The following DOCK2 variants were observed in gnomAD, a reference collection of about 807,000 sequenced individuals.
DOCK2 encodes dedicator of cytokinesis 2.
A neutral mutation model predicts 248.9 loss-of-function variants in DOCK2; 87 were observed. The ratio of observed to expected loss-of-function variants is 0.35; its 90% CI spans 0.29 to 0.42. The LOEUF (loss-of-function observed/expected upper bound fraction) is 0.42. Ranked by LOEUF, DOCK2 falls within the 10% of genes least tolerant of loss-of-function variation. DOCK2 has a pLI of 1.00. For missense variants in DOCK2, 1,747 were observed against 2,300.2 expected (o/e 0.76, Z 4.92); for synonymous variants, 805 against 821.6 (o/e 0.98, Z 0.35).
intron 27 of DOCK2, among the ~76,000 whole-genome samples, chr5:169,979,398 G>A (rs776893502): frequency 7.2e-5 from 11 of 152,170 alleles, no homozygotes; most frequent in Admixed American, 3.9e-4. Flanking sequence ...TGCCATTTTT[G>A]AGGAAACTAC....
intron 23 of DOCK2, among the ~76,000 whole-genome samples, chr5:169,751,037 A>C (rs999310707): frequency 1.3e-5 from 2 of 152,210 alleles, no homozygotes; most frequent in Admixed American, 6.5e-5. Flanking sequence ...TGTAACATGG[A>C]AGGCCAAATG....
chr5:170,077,551 A>G (rs537570163), intron 47 of DOCK2, among the ~76,000 whole-genome samples, 159 bp from the exon 48 acceptor site: 37 of 152,314 alleles, frequency 2.4e-4, no homozygotes, highest in Non-Finnish European at 3.5e-4. Flanking sequence ...TCTTCATTCT[A>G]CAAGAACGCC....
rs2303039 is a variant in DOCK2 at position 169,982,923 on chromosome 5, G to A, written c.2800-145G>A. On this transcript the variant is annotated intron_variant, in intron 27 of 51. Transcript: ENST00000520908. ...TGGATCAGGTGTTATGTTTATGTTCGGCACTGCTATTACAGTCCCAGGCAC... is the reference window on the plus strand; with the variant it reads ...TGGATCAGGTGTTATGTTTATGTTCAGCACTGCTATTACAGTCCCAGGCAC... The A allele has an allele frequency of 2.1e-3, 1,455 of 708,414 alleles. 21 individuals carry two copies. The East Asian group carries it at 0.035, about 17-fold the overall frequency. 43.9% of individuals were successfully genotyped at this position (708,414 alleles called of 1,614,324 possible).
At chr5:169,729,850 G>A (rs1762674917) in intron 22 of DOCK2, among the ~76,000 whole-genome samples, 2 of 152,172 alleles carry the variant, frequency 1.3e-5, no homozygotes, top group South Asian at 4.1e-4. Flanking sequence ...CCCAGTAACT[G>A]TGACCTTGGG....
intron 2 of DOCK2, among the ~76,000 whole-genome samples, chr5:169,663,260 C>G (rs1304407806): frequency 6.6e-6 from 1 of 152,212 alleles, no homozygotes; most frequent in African/African-American, 2.4e-5. Flanking sequence ...GGCAGCTCTC[C>G]CTCTGTGGCA....
intron 26 of DOCK2, among the ~76,000 whole-genome samples, chr5:169,805,328 G>A (rs1767294238): frequency 6.6e-6 from 1 of 152,084 alleles, no homozygotes; most frequent in Non-Finnish European, 1.5e-5. Context: ...CTTGAGCCCA[G>A]GAGTTCAAGG....
intron 25 of DOCK2, among the ~76,000 whole-genome samples, chr5:169,769,389 C>T (rs1581163941): frequency 6.6e-6 from 1 of 152,320 alleles, no homozygotes; most frequent in East Asian, 1.9e-4. Context: ...GAGCAGCTGA[C>T]CCTTCCTCTC....
chr5:169,939,139 C>T (rs4285242), intron 27 of DOCK2, among the ~76,000 whole-genome samples: 34,893 of 151,454 alleles, frequency 0.23, 4,235 homozygotes, highest in Non-Finnish European at 0.26. Flanking sequence ...CTCCTGACCT[C>T]GTGATCCGCC....
At chr5:170,052,134 A>G (rs768362639) in intron 41 of DOCK2, among the ~76,000 whole-genome samples, 2 of 152,222 alleles carry the variant, frequency 1.3e-5, no homozygotes, top group Non-Finnish European at 2.9e-5. Context: ...ACAGGTCGCA[A>G]GTCTGGTCTG....
chr5:169,735,114 C>G (rs977569288), intron 22 of DOCK2, among the ~76,000 whole-genome samples: 1 of 152,212 alleles, frequency 6.6e-6, no homozygotes, highest in African/African-American at 2.4e-5. Flanking sequence ...ACCCTACAGT[C>G]AGAGTGATCT....
intron 48 of DOCK2, among the ~76,000 whole-genome samples, chr5:170,078,755 A>G (rs1026895789): frequency 4.6e-5 from 7 of 152,208 alleles, no homozygotes; most frequent in Non-Finnish European, 1.0e-4. Context: ...ATTTCATTTT[A>G]CCACGAATAA....
intron 44 of DOCK2, among the ~76,000 whole-genome samples, chr5:170,064,816 A>G (rs1757437892): frequency 6.6e-6 from 1 of 152,182 alleles, no homozygotes; most frequent in South Asian, 2.1e-4. Flanking sequence ...TCTCAAACAA[A>G]CAAAAGCTGA....
At chr5:169,790,130 C>A (rs112695566) in intron 25 of DOCK2, among the ~76,000 whole-genome samples, 2 of 152,068 alleles carry the variant, frequency 1.3e-5, no homozygotes, top group Non-Finnish European at 2.9e-5. Context: ...TGCTTGAATC[C>A]AGGATAATTT....
intron 9 of DOCK2, among the ~76,000 whole-genome samples, chr5:169,692,071 G>T (rs1228383533): frequency 3.9e-5 from 6 of 152,048 alleles, no homozygotes. Context: ...GGCCAGGATG[G>T]TCTTGATCTC....
chr5:170,045,981 G>A (rs1756694344), intron 39 of DOCK2, 76 bp downstream of exon 39: 1 of 1,426,858 alleles, frequency 7.0e-7, no homozygotes, highest in Non-Finnish European at 9.9e-7. Flanking sequence ...AGATCCTGGG[G>A]AGATGGGCAT....
chr5:169,704,834 AAAAATTAAAAATTTT>A (rs1761172935), intron 14 of DOCK2, among the ~76,000 whole-genome samples: 1 of 151,826 alleles, frequency 6.6e-6, no homozygotes, highest in African/African-American at 2.4e-5. Flanking sequence ...ATGTGCCCAC[AAAAATTAAAAATTTT>A]AAAATTAAAA....
chr5:169,669,343 T>C lies in DOCK2; in HGVS notation c.168+15T>C. On this transcript the variant is annotated intron_variant, in intron 3 of 51. Transcript: ENST00000520908. ...AAATGTTACAGGTAAGGTCACCTGG[T>C]TTTTATTTGTGTCAGTACTGGAGGT... 6.2e-7 allele frequency: 1 copy of C among 1,613,980 alleles called. No homozygotes were observed. The highest frequency in any genetic ancestry group is 1.1e-5 in the South Asian group (1 of 91,076).
At chr5:169,786,978 C>T (rs1041327866) in intron 25 of DOCK2, among the ~76,000 whole-genome samples, 1 of 152,112 alleles carries the variant, frequency 6.6e-6, no homozygotes, top group Non-Finnish European at 1.5e-5. Flanking sequence ...GTAGCTTATA[C>T]TTTTATAATG....
At chr5:169,698,346 C>A (rs370481261) in intron 10 of DOCK2, 28 bp from the exon 11 acceptor site, 3 of 1,607,214 alleles carry the variant, frequency 1.9e-6, no homozygotes, top group Non-Finnish European at 2.6e-6. Flanking sequence ...AGAAGTTAAA[C>A]CATTAATTCA....
Sources: gnomAD v4.1 joint callset for allele counts (sites outside exome capture counted in the v4.1 genomes callset) on GRCh38, gnomAD v4.1.1 for gene constraint, MANE v1.5 for transcripts, NCBI Gene and HGNC (gene_info 2026-07-23, HGNC 2026-07-21) for gene names.